The following SRPK2 variants were observed in gnomAD, a reference collection of about 807,000 sequenced individuals.
SRPK2 encodes the protein SFRS protein kinase 2.
Under a neutral mutation model 90.8 loss-of-function variants are expected in SRPK2, and 21 were observed. The ratio of observed to expected loss-of-function variants is 0.23; its 90% confidence interval spans 0.16 to 0.33. The LOEUF (loss-of-function observed/expected upper bound fraction) is 0.33, where lower values mean the gene tolerates loss of function less well. Among genes scored for constraint, SRPK2 ranks in the 10% least tolerant of loss-of-function variants. SRPK2 has a pLI of 1.00. For missense variants in SRPK2, 620 were observed against 869.0 expected (o/e 0.71, Z 3.60); for synonymous variants, 288 against 311.1 (o/e 0.93, Z 0.78).
chr7:105,190,268 A>C (rs1006470013), intron 3 of SRPK2, among the ~76,000 whole-genome samples: 3 of 152,218 alleles, frequency 2.0e-5, no homozygotes, highest in African/African-American at 7.2e-5. Flanking sequence ...TATTCAAACA[A>C]TATAAACTTT....
chr7:105,365,515 T>C (rs1370045296), intron 2 of SRPK2, among the ~76,000 whole-genome samples: 1 of 140,464 alleles, frequency 7.1e-6, no homozygotes, highest in Non-Finnish European at 1.5e-5. Flanking sequence ...AAAAATTATA[T>C]ATATATATAT....
chr7:105,164,290 C>T (rs1406075057), intron 6 of SRPK2, among the ~76,000 whole-genome samples: 1 of 152,206 alleles, frequency 6.6e-6, no homozygotes. Context: ...TCAGTGAATG[C>T]TTTAGCAGGA....
chr7:105,302,914 A>G (rs970431991), intron 2 of SRPK2, among the ~76,000 whole-genome samples: 11 of 149,370 alleles, frequency 7.4e-5, no homozygotes, highest in African/African-American at 2.7e-4. Context: ...TTTCTGAAGA[A>G]AAAAAAAAAA....
chr7:105,306,485 A>T (rs953997137), intron 2 of SRPK2: 8 of 404,042 alleles, frequency 2.0e-5, no homozygotes, highest in Admixed American at 1.7e-4. Flanking sequence ...TGAACCAGGC[A>T]AAAAAAAAAC....
chr7:105,315,146 G>C (rs1585671364), intron 2 of SRPK2, among the ~76,000 whole-genome samples: 1 of 152,050 alleles, frequency 6.6e-6, no homozygotes, highest in African/African-American at 2.4e-5. Flanking sequence ...AAGGAGCCTA[G>C]AATGATTCAC....
chr7:105,205,515 TCTCACACA>T (rs879065966), intron 2 of SRPK2, among the ~76,000 whole-genome samples: 3,093 of 111,396 alleles, frequency 0.028, 36 homozygotes, highest in African/African-American at 0.047. Flanking sequence ...TCTCTCTCTC[TCTCACACA>T]CACACACACA....
intron 15 of SRPK2, among the ~76,000 whole-genome samples, chr7:105,119,328 G>A (rs917681639): frequency 2.6e-5 from 4 of 151,980 alleles, no homozygotes; most frequent in East Asian, 1.9e-4. Context: ...AAGCCCTCCC[G>A]TTTAAAAACA....
At chr7:105,194,589 T>G (rs1794691327) in intron 3 of SRPK2, among the ~76,000 whole-genome samples, 1 of 152,168 alleles carries the variant, frequency 6.6e-6, no homozygotes, top group Non-Finnish European at 1.5e-5. Context: ...AAAACATTTC[T>G]GAGAACAATA....
intron 2 of SRPK2, chr7:105,301,855 G>A: frequency 6.4e-7 from 1 of 1,573,306 alleles, no homozygotes; most frequent in Non-Finnish European, 8.7e-7. Context: ...AGCAGTTCAT[G>A]GAGAATCACA....
chr7:105,173,463 T>G (rs1791413885), intron 3 of SRPK2, among the ~76,000 whole-genome samples: 1 of 152,160 alleles, frequency 6.6e-6, no homozygotes. Flanking sequence ...TCACAGGGCA[T>G]CTCCTCTAAC....
intron 2 of SRPK2, among the ~76,000 whole-genome samples, chr7:105,255,712 A>C (rs981616833): frequency 1.2e-4 from 18 of 152,144 alleles, no homozygotes; most frequent in African/African-American, 4.1e-4. Flanking sequence ...CGGGCAGATC[A>C]CCTGAGGTCA....
intron 2 of SRPK2, among the ~76,000 whole-genome samples, chr7:105,254,156 T>C (rs1043553468): frequency 6.6e-6 from 1 of 152,236 alleles, no homozygotes; most frequent in African/African-American, 2.4e-5. Flanking sequence ...TTACAGCTGA[T>C]TGTACTGATC....
intron 2 of SRPK2, among the ~76,000 whole-genome samples, chr7:105,209,601 A>G (rs565050935): frequency 6.6e-6 from 1 of 151,780 alleles, no homozygotes; most frequent in Admixed American, 6.6e-5. Context: ...GGGAAGGGGA[A>G]AGGAAAAAGG....
In SRPK2 at chr7:105,240,795, C is replaced by T. The variant is rs550164959; in HGVS notation, c.72-37010G>A. On this transcript the variant is annotated intron_variant, in intron 2 of 15. Coordinates refer to ENST00000393651, the MANE Select transcript of SRPK2 (RefSeq NM_182692.3). ...TGTTATGTTGCATATTAAATATGCT[C>T]AATTTATTATGGGCCTTCAATTTCC... Among the ~76,000 whole-genome samples the T allele has an allele frequency of 5.2e-4, 79 of 152,094 alleles. 1 individual carries two copies. Among genetic ancestry groups the T allele is most frequent in the Admixed American group, 3.5e-3 (53 of 15,276 alleles).
At chr7:105,144,458 C>T (rs1318866350) in intron 9 of SRPK2, among the ~76,000 whole-genome samples, 1 of 151,986 alleles carries the variant, frequency 6.6e-6, no homozygotes, top group African/African-American at 2.4e-5. Context: ...CCAGGCTGGT[C>T]TTGAATTCCT....
At chr7:105,183,171 C>T (rs1793109700) in intron 3 of SRPK2, among the ~76,000 whole-genome samples, 1 of 152,078 alleles carries the variant, frequency 6.6e-6, no homozygotes, top group Admixed American at 6.5e-5. Context: ...TATGACTAAT[C>T]ATCTTTTTTT....
intron 2 of SRPK2, among the ~76,000 whole-genome samples, chr7:105,232,671 A>G (rs530036397): frequency 6.6e-6 from 1 of 151,104 alleles, no homozygotes; most frequent in East Asian, 1.9e-4. Context: ...ATAAAATCAG[A>G]CCCTTTTCAA....
At chr7:105,170,417 G>A (rs1374069802) in intron 3 of SRPK2, among the ~76,000 whole-genome samples, 1 of 151,962 alleles carries the variant, frequency 6.6e-6, no homozygotes, top group African/African-American at 2.4e-5. Flanking sequence ...ATGAGGCCGG[G>A]CACGGTGGCT....
At chr7:105,297,109 CAAT>C (rs1809923696) in intron 2 of SRPK2, among the ~76,000 whole-genome samples, 1 of 152,126 alleles carries the variant, frequency 6.6e-6, no homozygotes, top group Non-Finnish European at 1.5e-5. Flanking sequence ...AGGGAATTGT[CAAT>C]AACAGTAACT....
Sources: allele counts gnomAD v4.1 joint callset (sites outside exome capture counted in the v4.1 genomes callset), GRCh38; gene constraint gnomAD v4.1.1; transcripts MANE v1.5; gene names NCBI Gene and HGNC (gene_info 2026-07-23, HGNC 2026-07-21).